TIMM23: variants seen among roughly 807,000 people sequenced by gnomAD.
The protein encoded by TIMM23 is mitochondrial import inner membrane translocase subunit Tim23.
Under a neutral mutation model 30.7 loss-of-function variants are expected in TIMM23, and 19 were observed. The ratio of observed to expected loss-of-function variants is 0.62; its 90% confidence interval spans 0.43 to 0.91. The LOEUF is 0.91. Ranked by LOEUF, TIMM23 falls within the 40% of genes least tolerant of loss-of-function variation. The pLI, the probability that TIMM23 is intolerant of heterozygous loss-of-function variation, is 0.00. For missense variants in TIMM23, 202 were observed against 269.2 expected, an observed-to-expected ratio of 0.75 and a Z score of 1.75; for synonymous variants, 78 against 98.5, an observed-to-expected ratio of 0.79 and a Z score of 1.23.
At chr10:45,983,818 A>G (rs1347995572) in intron 4 of TIMM23, among the ~76,000 whole-genome samples, 10 of 152,274 alleles carry the variant, frequency 6.6e-5, no homozygotes, top group African/African-American at 2.4e-4. Flanking sequence ...ATCACAGCTC[A>G]CTGTAGCCTT....
At position 45,989,931 on chromosome 10, in the gene TIMM23, A is replaced by T. The variant is rs1838104933; in HGVS notation, c.514+1084A>T. Among the ~76,000 whole-genome samples the T allele has an allele frequency of 2.0e-5, 3 of 152,278 alleles. No individual in the cohort carries two copies. In the East Asian group the frequency reaches 5.8e-4, roughly 29 times the overall value. On this transcript the variant is annotated intron_variant, in intron 6 of 6. Transcript: ENST00000580018. ...ATTTTTATTTTTATCAAAATAATCC[A>T]CATACGTGATTTTTTAAGTCAAGGT...
chr10:45,985,234 A>T (rs1837959765), intron 4 of TIMM23, 149 bp from the exon 5 acceptor site: 4 of 720,458 alleles, frequency 5.6e-6, no homozygotes, highest in Non-Finnish European at 9.3e-6. Context: ...AACCATCCTT[A>T]TTGAAATCGG....
At chr10:45,988,900 T>G (rs1838075874) in intron 6 of TIMM23, 53 bp downstream of exon 6, 1 of 1,563,948 alleles carries the variant, frequency 6.4e-7, no homozygotes, top group Admixed American at 1.7e-5. Flanking sequence ...AGTGCGCTTT[T>G]TAAAATTCAT....
At chr10:45,977,988 G>A (rs34043567) in intron 2 of TIMM23, among the ~76,000 whole-genome samples, 2 of 151,760 alleles carry the variant, frequency 1.3e-5, no homozygotes, top group Admixed American at 6.6e-5. Context: ...CCAAGATCGC[G>A]CCACCCGCAC....
At chr10:46,003,110 G>GT in intron 6 of TIMM23, 93 bp from the exon 7 acceptor site, 3 of 1,028,500 alleles carry the variant, frequency 2.9e-6, no homozygotes, top group Non-Finnish European at 4.4e-6. Flanking sequence ...ACCGTGCCCA[G>GT]CCCATTTCAC....
Position 46,003,300 on chromosome 10 carries a change from G to C in TIMM23, c.612G>C (p.Leu204Phe). ...ACTGGGAGCACATGAAAGGCTCCTT[G>C]CTCCAACAGTCACTCTGAAGATTTT... ...YNNWEHMKGSLLQQSL is the reference protein window; with the variant it reads ...YNNWEHMKGSFLQQSL The change falls in exon 7 of 7, where the codon TTG (leucine) becomes TTC (phenylalanine). Residue 204 changes from leucine (L) to phenylalanine (F), a missense_variant. Transcript: ENST00000580018. 6.2e-7 allele frequency: 1 copy of C among 1,613,862 alleles called. No homozygotes were observed. The highest frequency in any genetic ancestry group is 8.5e-7 in the Non-Finnish European group (1 of 1,179,808).
chr10:45,987,935 T>G (rs1293004616), intron 5 of TIMM23, among the ~76,000 whole-genome samples: 1 of 152,094 alleles, frequency 6.6e-6, no homozygotes, highest in African/African-American at 2.4e-5. Context: ...CTGGATATTT[T>G]TAAAGGATAC....
At chr10:45,977,301 T>G in intron 2 of TIMM23, among the ~76,000 whole-genome samples, 1 of 150,582 alleles carries the variant, frequency 6.6e-6, no homozygotes, top group Non-Finnish European at 1.5e-5. Flanking sequence ...GAAAATAGAT[T>G]GGAGGACTTG....
rs1838133657 is a variant in TIMM23 at position 45,990,506 on chromosome 10, T to TGACCTCCTGGGCTCAGGTGATCCATCTC, written c.514+1660_514+1687dup. On this transcript the variant is annotated intron_variant, in intron 6 of 6. Coordinates refer to ENST00000580018, the MANE Select transcript of TIMM23 (RefSeq NM_006327.4). ...GCACAATCAAGGCTCACTGTAGCCTTGACCTCCTGGGCTCAGGTGATCCAT... is the reference window on the plus strand; with the variant it reads ...GCACAATCAAGGCTCACTGTAGCCTTGACCTCCTGGGCTCAGGTGATCCATCTCGACCTCCTGGGCTCAGGTGATCCAT... Among the ~76,000 whole-genome samples, 3 of 151,340 alleles carry TGACCTCCTGGGCTCAGGTGATCCATCTC rather than the reference T, an allele frequency of 2.0e-5. No individual in the cohort carries two copies. In the East Asian group the frequency reaches 5.8e-4, roughly 29 times the overall value.
At chr10:45,998,978 G>A (rs1838432657) in intron 6 of TIMM23, among the ~76,000 whole-genome samples, 1 of 151,694 alleles carries the variant, frequency 6.6e-6, no homozygotes, top group Non-Finnish European at 1.5e-5. Flanking sequence ...GATTACAGGT[G>A]CCTGCCACCA....
At chr10:45,975,362 G>C (rs1189153349) in intron 1 of TIMM23, 92 bp from the exon 2 acceptor site, 1 of 1,493,510 alleles carries the variant, frequency 6.7e-7, no homozygotes, top group African/African-American at 1.4e-5. Flanking sequence ...TATAAAAATT[G>C]CAAACACATG....
At chr10:45,995,246 C>T (rs1457146125) in intron 6 of TIMM23, among the ~76,000 whole-genome samples, 8 of 152,126 alleles carry the variant, frequency 5.3e-5, no homozygotes, top group Non-Finnish European at 8.8e-5. Flanking sequence ...GTCCTTGCCA[C>T]AGAAAGTTAG....
At chr10:45,980,968 C>G (rs1590114493) in intron 2 of TIMM23, among the ~76,000 whole-genome samples, 1 of 132,748 alleles carries the variant, frequency 7.5e-6, no homozygotes, top group African/African-American at 2.9e-5. Context: ...GAGATGGAGT[C>G]TCGCTCTGTC....
chr10:45,976,082 G>A (rs1229566367), intron 2 of TIMM23, among the ~76,000 whole-genome samples: 1 of 152,034 alleles, frequency 6.6e-6, no homozygotes, highest in African/African-American at 2.4e-5. Flanking sequence ...GGGTTTTTTT[G>A]ACTAAGCATC....
intron 5 of TIMM23, 28 bp downstream of exon 5, chr10:45,985,469 A>G: frequency 3.1e-6 from 5 of 1,612,612 alleles, no homozygotes; most frequent in Non-Finnish European, 4.2e-6. Context: ...TTGATAATAA[A>G]TTGTTAAAGA....
intron 6 of TIMM23, among the ~76,000 whole-genome samples, chr10:46,000,717 C>G (rs1838503002): frequency 6.6e-6 from 1 of 152,230 alleles, no homozygotes; most frequent in African/African-American, 2.4e-5. Flanking sequence ...TTTTGCAGCT[C>G]TTTCCAAAGC....
chr10:45,983,175 T>G (rs1837894985), intron 4 of TIMM23, among the ~76,000 whole-genome samples: 3 of 152,280 alleles, frequency 2.0e-5, no homozygotes. Flanking sequence ...CAGCCTGACT[T>G]CTCAGCTGCA....
intron 2 of TIMM23, among the ~76,000 whole-genome samples, chr10:45,978,556 A>G (rs1373156391): frequency 1.3e-5 from 2 of 152,240 alleles, no homozygotes; most frequent in Non-Finnish European, 2.9e-5. Flanking sequence ...AAAGCTGGTC[A>G]GTAACATTAA....
intron 1 of TIMM23, among the ~76,000 whole-genome samples, chr10:45,973,053 G>C (rs4356178): frequency 2.6e-5 from 4 of 152,232 alleles, no homozygotes; most frequent in Non-Finnish European, 5.9e-5. Context: ...GAGTAGAGCC[G>C]AGCTTTGGGA....
Sources: gnomAD v4.1 joint callset for allele counts (sites outside exome capture counted in the v4.1 genomes callset) on GRCh38, gnomAD v4.1.1 for gene constraint, MANE v1.5 for transcripts, NCBI Gene and HGNC (gene_info 2026-07-23, HGNC 2026-07-21) for gene names.